AKAP19: variants seen among roughly 807,000 people sequenced by gnomAD.
AKAP19 encodes small A-kinase anchoring protein.
At chr2:190,116,873 C>T in the AKAP19 span, among the ~76,000 whole-genome samples, 3 of 152,164 alleles carry the variant, frequency 2.0e-5, no homozygotes, top group African/African-American at 7.2e-5. Context: ...ACCCATCACC[C>T]TACTCTACTA....
chr2:190,063,379 T>C, the AKAP19 span, among the ~76,000 whole-genome samples: 1 of 152,048 alleles, frequency 6.6e-6, no homozygotes, highest in African/African-American at 2.4e-5. Context: ...AATATGAAAA[T>C]TATACTGAAC....
the AKAP19 span, among the ~76,000 whole-genome samples, chr2:190,121,934 G>A: frequency 6.6e-6 from 1 of 152,182 alleles, no homozygotes; most frequent in African/African-American, 2.4e-5. Context: ...GATGTGTTTT[G>A]CTGATGAATG....
At chr2:190,091,010 G>A in the AKAP19 span, 1 of 152,098 alleles carries the variant, frequency 6.6e-6, no homozygotes, top group Non-Finnish European at 1.5e-5. Context: ...GAATAACTTT[G>A]TTTCAAAGGT....
the AKAP19 span, among the ~76,000 whole-genome samples, chr2:189,968,794 T>A: frequency 6.6e-6 from 1 of 152,090 alleles, no homozygotes; most frequent in Non-Finnish European, 1.5e-5. Context: ...AAATTTCACT[T>A]CACCAGGAAG....
At chr2:190,007,345 A>C in the AKAP19 span, among the ~76,000 whole-genome samples, 1 of 152,232 alleles carries the variant, frequency 6.6e-6, no homozygotes. Flanking sequence ...ATGAAATGAA[A>C]GCACATACAT....
At chr2:190,127,843 T>C in the AKAP19 span, among the ~76,000 whole-genome samples, 3 of 152,142 alleles carry the variant, frequency 2.0e-5, no homozygotes, top group Non-Finnish European at 4.4e-5. Flanking sequence ...ACAGTGCTGA[T>C]GGTACCTGAG....
chr2:190,014,838 GGCCCCCATGCAA>G, the AKAP19 span, among the ~76,000 whole-genome samples: 1 of 152,136 alleles, frequency 6.6e-6, no homozygotes, highest in African/African-American at 2.4e-5. Flanking sequence ...AGGGGCTACA[GGCCCCCATGCAA>G]GTCTGAAATC....
At chr2:190,057,072 T>C in the AKAP19 span, 2 of 613,226 alleles carry the variant, frequency 3.3e-6, no homozygotes, top group Non-Finnish European at 5.6e-6. Flanking sequence ...TTGTATGATT[T>C]GTTTGGATGG....
the AKAP19 span, among the ~76,000 whole-genome samples, chr2:190,115,284 TATATATATATATATATA>T: frequency 8.0e-4 from 6 of 7,458 alleles, no homozygotes; most frequent in African/African-American, 3.0e-3. Flanking sequence ...TATATATATA[TATATATATATATATATA>T]TTTTTTTTTT....
the AKAP19 span, among the ~76,000 whole-genome samples, chr2:189,919,839 T>C: frequency 1.3e-5 from 2 of 152,166 alleles, no homozygotes; most frequent in Non-Finnish European, 2.9e-5. Context: ...GTACATTCCT[T>C]ATCCCTTCAT....
chr2:190,098,443 A>T, the AKAP19 span, among the ~76,000 whole-genome samples: 5 of 148,982 alleles, frequency 3.4e-5, no homozygotes, highest in Admixed American at 6.7e-5. Flanking sequence ...TGAAAGAAAT[A>T]TTTTTTTTTT....
the AKAP19 span, among the ~76,000 whole-genome samples, chr2:189,950,393 A>G: frequency 6.7e-6 from 1 of 149,276 alleles, no homozygotes; most frequent in Non-Finnish European, 1.5e-5. Flanking sequence ...GCAGTAGTGA[A>G]CATGGGAGCA....
the AKAP19 span, among the ~76,000 whole-genome samples, chr2:190,011,993 G>A: frequency 6.6e-6 from 1 of 151,816 alleles, no homozygotes; most frequent in East Asian, 1.9e-4. Flanking sequence ...ATTTCAATAG[G>A]GATTACGTTT....
the AKAP19 span, chr2:190,060,235 G>C: frequency 6.2e-7 from 1 of 1,613,120 alleles, no homozygotes; most frequent in Non-Finnish European, 8.5e-7. Context: ...TCAAGTTTCA[G>C]AGATCGGATT....
At chr2:189,939,874 G>A in the AKAP19 span, among the ~76,000 whole-genome samples, 2 of 152,142 alleles carry the variant, frequency 1.3e-5, no homozygotes, top group Non-Finnish European at 2.9e-5. Flanking sequence ...AGTCAGGCAT[G>A]GGGGCTAACA....
At chr2:189,882,544 C>A in the AKAP19 span, among the ~76,000 whole-genome samples, 3 of 152,232 alleles carry the variant, frequency 2.0e-5, no homozygotes, top group East Asian at 5.8e-4. Flanking sequence ...AGGTTGCATT[C>A]TTTTGATTCC....
the AKAP19 span, among the ~76,000 whole-genome samples, chr2:189,935,815 A>G: frequency 5.9e-5 from 9 of 152,162 alleles, no homozygotes; most frequent in Non-Finnish European, 1.3e-4. Context: ...AAAGATGTGT[A>G]TAATATTAAA....
chr2:189,998,775 T>C, the AKAP19 span, among the ~76,000 whole-genome samples: 27 of 98,940 alleles, frequency 2.7e-4, no homozygotes, highest in African/African-American at 4.7e-4. Flanking sequence ...TTCTTTCTTT[T>C]TTTTTTTTTT....
the AKAP19 span, among the ~76,000 whole-genome samples, chr2:189,927,750 A>G: frequency 7.9e-4 from 120 of 152,250 alleles, no homozygotes; most frequent in African/African-American, 2.8e-3. Context: ...ATATAGTACT[A>G]TTGTCTAGTA....
Sources: allele counts gnomAD v4.1 joint callset (sites outside exome capture counted in the v4.1 genomes callset), GRCh38; gene constraint gnomAD v4.1.1; transcripts MANE v1.5; gene names NCBI Gene and HGNC (gene_info 2026-07-23, HGNC 2026-07-21).